Variants in TRANK1 observed in about 807,000 individuals in gnomAD.
TRANK1 encodes TPR and ankyrin repeat-containing protein 1.
In TRANK1, 198 loss-of-function variants were observed where a neutral mutation model predicts 266.0. That is an observed-to-expected ratio of 0.74 (90% CI 0.66 to 0.84). The LOEUF is 0.84. TRANK1 is among the 40% of genes least tolerant of loss of function. TRANK1 has a pLI of 0.00. For synonymous variants in TRANK1, 1,396 were observed against 1,384.1 expected (o/e 1.01, Z -0.19); for missense variants, 3,326 against 3,634.6 (o/e 0.92, Z 2.18).
At chr3:36,909,508 G>A (rs73826912) in intron 1 of TRANK1, among the ~76,000 whole-genome samples, 1,705 of 152,302 alleles carry the variant, frequency 0.011, 32 homozygotes, top group African/African-American at 0.039. Context: ...CAAGATGGCA[G>A]AGGGAAAGGC....
chr3:36,831,324 C>G lies in TRANK1; in HGVS notation c.8259G>C (p.Glu2753Asp), dbSNP rs745479695. ...QMERVREEAREPRAGNFKKAD... is the reference protein window; with the variant it reads ...QMERVREEARDPRAGNFKKAD... ...CCTTTTTGAAGTTCCCAGCCCTGGG[C>G]TCCCTGGCCTCCTCCCTGACACGCT... The change falls in exon 22 of 24, where the codon GAG becomes GAC. Residue 2753 changes from glutamate (E) to aspartate (D), a missense_variant. Transcript: ENST00000645898. The surrounding 1 kb of genome is among the most constrained non-coding windows in gnomAD (Gnocchi z 5.0). 8.7e-6 allele frequency: 14 copies of G among 1,613,524 alleles called. No homozygotes were observed. Among genetic ancestry groups the G allele is most frequent in the Non-Finnish European group, 1.1e-5 (13 of 1,179,836 alleles).
chr3:36,855,409 T>C lies in TRANK1; in HGVS notation c.4313A>G (p.Glu1438Gly). Reference protein sequence around the residue: ...PWSIHELYGDEIQDFTQAELA... With the variant: ...PWSIHELYGDGIQDFTQAELA... Reference sequence around the variant, plus strand: ...CTCGGCCTGGGTAAAGTCTTGAATCTCATCACCATAGAGCTCGTGGATGGA... The same window carrying C: ...CTCGGCCTGGGTAAAGTCTTGAATCCCATCACCATAGAGCTCGTGGATGGA... The change falls in exon 13 of 24, where the codon GAG becomes GGG. Residue 1438 changes from glutamate to glycine, a missense_variant. Transcript: ENST00000645898. The C allele has an allele frequency of 6.2e-7, 1 of 1,613,994 alleles. No homozygotes were observed. Among genetic ancestry groups the C allele is most frequent in the Non-Finnish European group, 8.5e-7 (1 of 1,179,878 alleles).
chr3:36,831,448 T>C lies in TRANK1; in HGVS notation c.8135A>G (p.Gln2712Arg), dbSNP rs146123123. ...RDHVLATILS[Q>R]KQRKASIQRK... ...CTGTATGGAGGCCTTCCGTTGCTTT[T>C]GGGAAAGAATGGTGGCCAGGACGTG... is the stretch of plus-strand genomic sequence containing the variant. The change falls in exon 22 of 24, where the codon CAA becomes CGA. Residue 2712 changes from glutamine to arginine, a missense_variant. By Grantham distance (43) the Gln-to-Arg change is conservative (BLOSUM62 1). Coordinates refer to ENST00000645898, the MANE Select transcript of TRANK1 (RefSeq NM_001329998.2). The surrounding 1 kb of genome is among the most constrained non-coding windows in gnomAD (Gnocchi z 5.0). The C allele has an allele frequency of 6.3e-4, 1,010 of 1,613,128 alleles. 4 individuals carry two copies. In the African/African-American group the frequency reaches 0.011, roughly 18 times the overall value.
chr3:36,905,169 T>C (rs1365639857), intron 2 of TRANK1, among the ~76,000 whole-genome samples: 1 of 151,784 alleles, frequency 6.6e-6, no homozygotes, highest in Non-Finnish European at 1.5e-5. Context: ...GTGCCTGTAG[T>C]CCCAGCTACT....
At chr3:36,926,986 CTT>C (rs1347795629) in intron 1 of TRANK1, among the ~76,000 whole-genome samples, 1 of 152,196 alleles carries the variant, frequency 6.6e-6, no homozygotes, top group East Asian at 1.9e-4. Context: ...CATGAAATAT[CTT>C]GTTTTGCGTC....
intron 9 of TRANK1, among the ~76,000 whole-genome samples, chr3:36,866,097 A>AAAGAAAGG (rs1307007735): frequency 1.3e-5 from 2 of 151,904 alleles, no homozygotes; most frequent in Non-Finnish European, 2.9e-5. Flanking sequence ...AGAAAGAAAG[A>AAAGAAAGG]AAGAAAGAAA....
chr3:36,864,436 T>A lies in TRANK1; in HGVS notation c.1123A>T (p.Arg375Trp). 2.0e-6 allele frequency: 3 copies of A among 1,536,556 alleles called. No individual in the cohort carries two copies. Among genetic ancestry groups the A allele is most frequent in the Non-Finnish European group, 2.6e-6 (3 of 1,146,678 alleles). The change falls in exon 10 of 24, where the codon AGG becomes TGG. Residue 375 changes from arginine (R) to tryptophan (W), a missense_variant. Arg to Trp is a moderately radical substitution (Grantham distance 101). Transcript: ENST00000645898. ...TTCACCAGCTGCTCCAAGACCTTCCTGAAAATGTCGTTTTCACTAGTGGGT... is the reference window on the plus strand; with the variant it reads ...TTCACCAGCTGCTCCAAGACCTTCCAGAAAATGTCGTTTTCACTAGTGGGT... ...DGPTSENDIF[R>W]KVLEQLVKYM...
At chr3:36,890,799 C>T (rs1349993810) in intron 7 of TRANK1, among the ~76,000 whole-genome samples, 1 of 152,152 alleles carries the variant, frequency 6.6e-6, no homozygotes, top group Non-Finnish European at 1.5e-5. Context: ...GTCACCATGT[C>T]AGAGTTCTCT....
intron 2 of TRANK1, among the ~76,000 whole-genome samples, chr3:36,905,059 C>T (rs910704326): frequency 5.9e-5 from 9 of 151,660 alleles, no homozygotes; most frequent in Admixed American, 1.3e-4. Flanking sequence ...GGAGGCCGAG[C>T]GGGCGGATCA....
At chr3:36,915,200 C>T (rs1192759797) in intron 1 of TRANK1, among the ~76,000 whole-genome samples, 1 of 152,220 alleles carries the variant, frequency 6.6e-6, no homozygotes, top group Non-Finnish European at 1.5e-5. Context: ...ATCCACCCGC[C>T]TTGGCCTCCC....
intron 1 of TRANK1, among the ~76,000 whole-genome samples, chr3:36,918,598 GGAAGGAAGGAAAGAAA>G (rs2080168502): frequency 4.3e-4 from 26 of 60,452 alleles, no homozygotes; most frequent in African/African-American, 1.5e-3. Context: ...AAGGAAGGAA[GGAAGGAAGGAAAGAAA>G]GAAAGAAAGA....
rs2078803145 is a variant in TRANK1 at position 36,838,683 on chromosome 3, A to G, written c.5314T>C (p.Phe1772Leu). 1 of 1,613,748 alleles carries G rather than the reference A, an allele frequency of 6.2e-7. No homozygotes were observed. The highest frequency in any genetic ancestry group is 8.5e-7 in the Non-Finnish European group (1 of 1,179,804). ...GCCAGGGCCAACTTCTCCTTCTCAA[A>G]TGCACCTCCTTTCTGGTAACACTTG... is the stretch of plus-strand genomic sequence containing the variant. ...AAKCYQKGGAFEKEKLALAHD... is the reference protein window; with the variant it reads ...AAKCYQKGGALEKEKLALAHD... The change falls in exon 19 of 24, where the codon TTT becomes CTT. Residue 1772 changes from phenylalanine (F) to leucine (L), a missense_variant. By Grantham distance (22) the Phe-to-Leu change is conservative. Transcript: ENST00000645898.
chr3:36,941,731 A>G (rs1374304470), intron 1 of TRANK1, among the ~76,000 whole-genome samples: 1 of 152,212 alleles, frequency 6.6e-6, no homozygotes, highest in Non-Finnish European at 1.5e-5. Context: ...CAGCCCGACT[A>G]TCAGTCTTTG....
intron 3 of TRANK1, among the ~76,000 whole-genome samples, chr3:36,900,875 A>C (rs1454159562): frequency 1.4e-5 from 2 of 147,354 alleles, no homozygotes; most frequent in East Asian, 3.9e-4. Flanking sequence ...AAAAAAAAAA[A>C]AGATAACAGG....
Position 36,857,416 on chromosome 3 carries a change from T to C in TRANK1, c.2306A>G (p.Lys769Arg), listed in dbSNP as rs1196365395. 1.9e-6 allele frequency: 3 copies of C among 1,613,862 alleles called. No individual in the cohort carries two copies. The highest frequency in any genetic ancestry group is 2.2e-5 in the East Asian group (1 of 44,888). ...PLEAGAGKEG[K>R]KDDKPTLGAG... ...ACCCAGAGTCGGCTTGTCATCTTTC[T>C]TTCCTTCTTTGCCAGCTCCTGCCTC... The change falls in exon 13 of 24, where the codon AAG becomes AGG. Residue 769 changes from lysine (K) to arginine (R), a missense_variant. By Grantham distance (26) the Lys-to-Arg change is conservative (BLOSUM62 2). Coordinates refer to ENST00000645898, the MANE Select transcript of TRANK1 (RefSeq NM_001329998.2). The surrounding 1 kb of genome is among the most constrained non-coding windows in gnomAD (Gnocchi z 4.3).
Position 36,857,270 on chromosome 3 carries a change from T to C in TRANK1, c.2452A>G (p.Ser818Gly), listed in dbSNP as rs2079069832. The C allele has an allele frequency of 5.0e-6, 8 of 1,610,992 alleles. No individual in the cohort carries two copies. The highest frequency in any genetic ancestry group is 6.8e-6 in the Non-Finnish European group (8 of 1,178,414). ...KEGNDDQDDW[S>G]TQEIEACLQD... is the part of the protein sequence containing the mutation. Reference sequence around the variant, plus strand: ...AGGCAGGCCTCAATCTCCTGCGTGCTCCAGTCATCCTGATCATCATTGCCC... The same window carrying C: ...AGGCAGGCCTCAATCTCCTGCGTGCCCCAGTCATCCTGATCATCATTGCCC... Residue 818 changes from serine (S) to glycine (G), a missense_variant, in exon 13 of 24, where the codon AGC becomes GGC. Transcript: ENST00000645898. This position sits in a 1 kb window ranked among gnomAD's most constrained non-coding sequence, Gnocchi z 4.3.
At chr3:36,886,875 T>G (rs1448550013) in intron 8 of TRANK1, among the ~76,000 whole-genome samples, 1 of 152,032 alleles carries the variant, frequency 6.6e-6, no homozygotes, top group Non-Finnish European at 1.5e-5. Context: ...TTTAAAATTT[T>G]TCTTCCTTCC....
intron 1 of TRANK1, among the ~76,000 whole-genome samples, chr3:36,929,096 G>A (rs943830504): frequency 6.6e-6 from 1 of 150,630 alleles, no homozygotes; most frequent in Non-Finnish European, 1.5e-5. Context: ...TAAAAGAGTA[G>A]AAAAGGGAAT....
intron 1 of TRANK1, among the ~76,000 whole-genome samples, chr3:36,924,167 C>T (rs1284893048): frequency 6.6e-6 from 1 of 152,172 alleles, no homozygotes; most frequent in Non-Finnish European, 1.5e-5. Context: ...GTGAGATCAC[C>T]CTTTACCCTT....
Sources: allele counts gnomAD v4.1 joint callset (sites outside exome capture counted in the v4.1 genomes callset), GRCh38; gene constraint gnomAD v4.1.1; non-coding constraint Gnocchi (gnomAD v3.1); transcripts MANE v1.5; gene names NCBI Gene and HGNC (gene_info 2026-07-23, HGNC 2026-07-21).